The following ZDHHC14 variants were observed in gnomAD, a reference collection of about 807,000 sequenced individuals.
ZDHHC14 encodes the protein palmitoyltransferase ZDHHC14.
A neutral mutation model predicts 47.7 loss-of-function variants in ZDHHC14; 16 were observed. The observed-to-expected ratio is 0.34, with a 90% CI of 0.23 to 0.51. The LOEUF (loss-of-function observed/expected upper bound fraction) is 0.51. ZDHHC14 is among the 20% of genes least tolerant of loss of function. The pLI is 0.97. For missense variants in ZDHHC14, 515 were observed against 662.5 expected (o/e 0.78, Z 2.44); for synonymous variants, 293 against 278.9 (o/e 1.05, Z -0.50).
chr6:157,441,829 C>T (rs1778567108), intron 1 of ZDHHC14, among the ~76,000 whole-genome samples: 1 of 152,056 alleles, frequency 6.6e-6, no homozygotes, highest in Non-Finnish European at 1.5e-5. Flanking sequence ...CAGAGTGAGA[C>T]TCCGAATCAA....
intron 1 of ZDHHC14, among the ~76,000 whole-genome samples, chr6:157,495,957 G>C (rs564327583): frequency 6.6e-6 from 1 of 151,914 alleles, no homozygotes; most frequent in African/African-American, 2.4e-5. Flanking sequence ...CGGCTGCCTC[G>C]GCCTTCCAAA....
At chr6:157,509,628 T>C (rs1780413268) in intron 1 of ZDHHC14, among the ~76,000 whole-genome samples, 2 of 152,216 alleles carry the variant, frequency 1.3e-5, no homozygotes, top group African/African-American at 2.4e-5. Context: ...CAAACACTGA[T>C]GACAGGTGTA....
intron 2 of ZDHHC14, among the ~76,000 whole-genome samples, chr6:157,566,229 CAA>C (rs1379923559): frequency 2.9e-5 from 4 of 137,702 alleles, no homozygotes; most frequent in African/African-American, 1.2e-4. Context: ...AGGAAAAGCT[CAA>C]GTCTTTCTCT....
rs368455320 is a variant in ZDHHC14 at position 157,631,892 on chromosome 6, C to T, written c.704-942C>T. The T allele has an allele frequency of 2.0e-5, 3 of 152,414 alleles. No homozygotes were observed. In the East Asian group the frequency reaches 5.8e-4, roughly 29 times the overall value. 9.4% of individuals were successfully genotyped at this position (152,414 alleles called of 1,614,324 possible). A position where few individuals can be genotyped will look rare whatever the true frequency, so the allele number is the denominator to read the frequency against. ...ATTAGCGCTCCACGCAGCTTCTCTT[C>T]ACAGCCCCTCCCACACACTGTGTCC... On this transcript the variant is annotated intron_variant, in intron 4 of 8. Transcript: ENST00000359775.
In ZDHHC14 at chr6:157,645,751, T is replaced by C; in HGVS notation, c.767T>C (p.Val256Ala). ...KDSPASVLEA[V>A]VCFFSVWSIV... ...ACTCGCATCACCGTCCTGGAGGCTG[T>C]GGTGTGCTTCTTCTCTGTCTGGTCC... The change falls in exon 6 of 9, where the codon GTG becomes GCG. Residue 256 changes from valine (V) to alanine (A), a missense_variant. Coordinates refer to ENST00000359775, the MANE Select transcript of ZDHHC14 (RefSeq NM_024630.3). 6.2e-7 allele frequency: 1 copy of C among 1,614,016 alleles called. No individual in the cohort carries two copies. Among genetic ancestry groups the C allele is most frequent in the East Asian group, 2.2e-5 (1 of 44,870 alleles).
chr6:157,554,894 A>T (rs552975974), intron 2 of ZDHHC14, among the ~76,000 whole-genome samples: 1 of 152,198 alleles, frequency 6.6e-6, no homozygotes, highest in Non-Finnish European at 1.5e-5. Context: ...GGTCAGTTAC[A>T]GGCTGAGTCC....
At chr6:157,394,037 T>C (rs1777473806) in intron 1 of ZDHHC14, among the ~76,000 whole-genome samples, 2 of 152,182 alleles carry the variant, frequency 1.3e-5, no homozygotes, top group African/African-American at 4.8e-5. Context: ...AAGCAAGTCA[T>C]TGAAAGCTGA....
At chr6:157,634,522 CA>C (rs1776869090) in intron 5 of ZDHHC14, among the ~76,000 whole-genome samples, 1 of 152,256 alleles carries the variant, frequency 6.6e-6, no homozygotes, top group Non-Finnish European at 1.5e-5. Context: ...CCTCAAAGCT[CA>C]TAGCCAAGTC....
At chr6:157,383,761 G>C (rs2114727530) in intron 1 of ZDHHC14, among the ~76,000 whole-genome samples, 1 of 152,292 alleles carries the variant, frequency 6.6e-6, no homozygotes, top group Non-Finnish European at 1.5e-5. Context: ...GTGTCTGTTT[G>C]ACACTAGTAG....
chr6:157,556,306 C>T (rs1782461897), intron 2 of ZDHHC14, among the ~76,000 whole-genome samples: 1 of 152,162 alleles, frequency 6.6e-6, no homozygotes, highest in Non-Finnish European at 1.5e-5. Context: ...CGCTCGCTGT[C>T]CCCGGGCCCC....
chr6:157,454,875 T>A (rs1778878509), intron 1 of ZDHHC14, among the ~76,000 whole-genome samples: 1 of 152,190 alleles, frequency 6.6e-6, no homozygotes, highest in East Asian at 1.9e-4. Context: ...TAAATATTCC[T>A]AAGCCCCAGC....
intron 3 of ZDHHC14, among the ~76,000 whole-genome samples, chr6:157,626,796 G>T (rs1455249922): frequency 6.6e-6 from 1 of 151,722 alleles, no homozygotes; most frequent in Non-Finnish European, 1.5e-5. Flanking sequence ...GTATTTCCCC[G>T]GCCCCGGGTA....
In ZDHHC14 at chr6:157,678,035, T is replaced by C. The variant is rs1278827160; in HGVS notation, c.*4913T>C. ...ACATAACATTTCATGTTTTCAGAGATACGTATGCTTATTTAAGTGCCTTTC... is the reference window on the plus strand; with the variant it reads ...ACATAACATTTCATGTTTTCAGAGACACGTATGCTTATTTAAGTGCCTTTC... On this transcript the variant is annotated 3_prime_UTR_variant, in exon 9 of 9. Transcript: ENST00000359775. 6.6e-6 allele frequency: 1 copy of C among 152,200 alleles called. No homozygotes were observed. Among genetic ancestry groups the C allele is most frequent in the East Asian group, 1.9e-4 (1 of 5,196 alleles). The allele number at this position is 152,200 out of a possible 1,614,324, so 9.4% of individuals were successfully genotyped here.
intron 2 of ZDHHC14, among the ~76,000 whole-genome samples, chr6:157,573,507 C>A (rs1783178913): frequency 6.6e-6 from 1 of 152,180 alleles, no homozygotes; most frequent in Admixed American, 6.5e-5. Flanking sequence ...GCGGGACATG[C>A]CCCAGGGCCC....
At chr6:157,600,594 T>C (rs1784301827) in intron 3 of ZDHHC14, among the ~76,000 whole-genome samples, 1 of 152,062 alleles carries the variant, frequency 6.6e-6, no homozygotes, top group South Asian at 2.1e-4. Flanking sequence ...TTAGTAAAGA[T>C]GGGGTTTCAT....
At chr6:157,632,272 A>AAATAAAAATTGCTTTCTGTC (rs1353701249) in intron 4 of ZDHHC14, 2 of 153,304 alleles carry the variant, frequency 1.3e-5, no homozygotes, top group Non-Finnish European at 2.9e-5. Context: ...TCAATGCATA[A>AAATAAAAATTGCTTTCTGTC]AATAAAAATT....
At chr6:157,646,548 G>A (rs1777563738) in intron 6 of ZDHHC14, among the ~76,000 whole-genome samples, 1 of 150,850 alleles carries the variant, frequency 6.6e-6, no homozygotes, top group Non-Finnish European at 1.5e-5. Context: ...AGGAGGCAGA[G>A]GTTGCAGTGA....
chr6:157,618,028 T>C (rs1356987930), intron 3 of ZDHHC14, among the ~76,000 whole-genome samples: 3 of 152,230 alleles, frequency 2.0e-5, no homozygotes, highest in Non-Finnish European at 4.4e-5. Context: ...GAGAAGTTTC[T>C]GAGGGGTGTT....
In ZDHHC14 at chr6:157,673,397, G is replaced by A; in HGVS notation, c.*275G>A. On this transcript the variant is annotated 3_prime_UTR_variant, in exon 9 of 9. Coordinates refer to ENST00000359775, the MANE Select transcript of ZDHHC14 (RefSeq NM_024630.3). This position sits in a 1 kb window ranked among gnomAD's most constrained non-coding sequence, Gnocchi z 5.4. Reference sequence around the variant, plus strand: ...TTTCTTTTGGTGACCCTCCAGGGGTGGAATCGGAGTGTGTCTGCCCGCCCT... The same window carrying A: ...TTTCTTTTGGTGACCCTCCAGGGGTAGAATCGGAGTGTGTCTGCCCGCCCT... The A allele has an allele frequency of 2.0e-6, 1 of 504,878 alleles. No homozygotes were observed. Among genetic ancestry groups the A allele is most frequent in the Non-Finnish European group, 3.4e-6 (1 of 292,678 alleles). The allele number at this position is 504,878 out of a possible 1,614,324, so 31.3% of individuals were successfully genotyped here. A position where few individuals can be genotyped will look rare whatever the true frequency, so the allele number is the denominator to read the frequency against.
Sources: allele counts gnomAD v4.1 joint callset (sites outside exome capture counted in the v4.1 genomes callset), GRCh38; gene constraint gnomAD v4.1.1; non-coding constraint Gnocchi (gnomAD v3.1); transcripts MANE v1.5; gene names NCBI Gene and HGNC (gene_info 2026-07-23, HGNC 2026-07-21).